Variants in DNAH14 observed in about 807,000 individuals in gnomAD.
DNAH14 encodes axonemal beta dynein heavy chain 14.
Under a neutral mutation model 520.9 loss-of-function variants are expected in DNAH14, and 478 were observed. The observed-to-expected ratio is 0.92, with a 90% CI of 0.85 to 0.99. The LOEUF (loss-of-function observed/expected upper bound fraction) is 0.99. Among genes scored for constraint, DNAH14 ranks in the 50% least tolerant of loss-of-function variants. DNAH14 has a pLI of 0.00. For synonymous variants in DNAH14, 1,581 were observed against 1,757.2 expected (o/e 0.90, Z 2.51); for missense variants, 4,831 against 5,234.5 (o/e 0.92, Z 2.38).
chr1:224,934,165 C>A (rs919738509), intron 1 of DNAH14, among the ~76,000 whole-genome samples: 2 of 150,352 alleles, frequency 1.3e-5, no homozygotes, highest in African/African-American at 2.5e-5. Context: ...ACACAGTAAA[C>A]CTCCATCAGT....
intron 79 of DNAH14, among the ~76,000 whole-genome samples, chr1:225,377,961 T>C (rs185441114): frequency 2.0e-5 from 3 of 152,266 alleles, no homozygotes; most frequent in Non-Finnish European, 2.9e-5. Flanking sequence ...CAAATAAATA[T>C]GGTGAATCTT....
At chr1:225,240,853 C>T (rs2091922548) in intron 43 of DNAH14, 31 bp downstream of exon 43, 3 of 1,388,528 alleles carry the variant, frequency 2.2e-6, no homozygotes, top group Admixed American at 4.5e-5. Flanking sequence ...CATAACTATA[C>T]TTATTTTAAA....
At chr1:225,335,544 C>T (rs1459642339) in intron 66 of DNAH14, among the ~76,000 whole-genome samples, 1 of 75,734 alleles carries the variant, frequency 1.3e-5, no homozygotes, top group Non-Finnish European at 2.4e-5. Flanking sequence ...TACATATATA[C>T]GTATATACAT....
At position 225,298,349 on chromosome 1, in the gene DNAH14, T is replaced by C. The variant is rs1028728307; in HGVS notation, c.8470-2520T>C. 4.6e-5 allele frequency among the ~76,000 whole-genome samples: 7 copies of C among 152,154 alleles called. No homozygotes were observed. The South Asian group carries it at 1.4e-3, about 31-fold the overall frequency. ...ATGTAGCACTCTGCCAGCCCAAGAA[T>C]GTGTCAGCTGTTCAATGGCTCTGGG... On this transcript the variant is annotated intron_variant, in intron 55 of 85. Transcript: ENST00000682510.
chr1:225,195,794 G>T (rs2086056412), intron 38 of DNAH14, among the ~76,000 whole-genome samples: 2 of 152,052 alleles, frequency 1.3e-5, no homozygotes, highest in South Asian at 2.1e-4. Flanking sequence ...TCAAAAAAAA[G>T]TTATAACAAT....
At chr1:225,268,449 A>C (rs1026474939) in intron 49 of DNAH14, among the ~76,000 whole-genome samples, 2 of 152,226 alleles carry the variant, frequency 1.3e-5, no homozygotes, top group African/African-American at 4.8e-5. Context: ...AACCACTCCT[A>C]TTCAACATAG....
intron 37 of DNAH14, among the ~76,000 whole-genome samples, chr1:225,189,313 G>T (rs940889858): frequency 6.6e-6 from 1 of 151,588 alleles, no homozygotes; most frequent in African/African-American, 2.4e-5. Context: ...AGGGTTATTG[G>T]TCTGTAGTTT....
In DNAH14 at chr1:225,351,811, T is replaced by C. The variant is rs2095369319; in HGVS notation, c.11461T>C (p.Tyr3821His). 1 of 1,551,244 alleles carries C rather than the reference T, an allele frequency of 6.4e-7. No individual in the cohort carries two copies. Among genetic ancestry groups the C allele is most frequent in the Non-Finnish European group, 8.7e-7 (1 of 1,146,762 alleles). The stretch of plus-strand genomic sequence containing the variant: ...TACTTTTAAGAACAGTAAAGCAGTT[T>C]ATTCTCTGATCAGCACACCTTTCTC... ...WDTFKNSKAV[Y>H]SLISTPFSSE... The change falls in exon 72 of 86, where the codon TAT (tyrosine) becomes CAT (histidine). Residue 3821 changes from tyrosine (Y) to histidine (H), a missense_variant. By Grantham distance (83) the Tyr-to-His change is moderately conservative. Transcript: ENST00000682510.
intron 43 of DNAH14, among the ~76,000 whole-genome samples, chr1:225,245,267 T>C (rs1354527992): frequency 6.6e-6 from 1 of 152,200 alleles, no homozygotes; most frequent in Admixed American, 6.5e-5. Context: ...CTTCCACTTA[T>C]GTGATCAATT....
Position 225,147,105 on chromosome 1 carries a change from T to C in DNAH14, c.4796T>C (p.Ile1599Thr). The change falls in exon 31 of 86, where the codon ATA becomes ACA. Residue 1599 changes from isoleucine to threonine, a missense_variant and splice_region_variant. Physicochemically the swap from Ile to Thr is moderately conservative, Grantham distance 89. Coordinates refer to ENST00000682510, the MANE Select transcript of DNAH14 (RefSeq NM_001367479.1). ...FNCFEDLDYK[I>T]VRKFFFGLVQ... is the part of the protein sequence containing the mutation. ...TCAATCTCTTTTTTTTTTTAAAAGA[T>C]AGTGAGAAAATTTTTCTTTGGACTA... 6.7e-7 allele frequency: 1 copy of C among 1,502,622 alleles called. No individual in the cohort carries two copies. The allele number at this position is 1,502,622 out of a possible 1,614,324, so 93.1% of individuals were successfully genotyped here.
intron 49 of DNAH14, among the ~76,000 whole-genome samples, chr1:225,267,292 CTTTTTT>C (rs776025994): frequency 6.7e-4 from 88 of 131,394 alleles, no homozygotes; most frequent in African/African-American, 2.3e-3. Flanking sequence ...GAATGGCTTC[CTTTTTT>C]TTTTTTTTTT....
chr1:225,360,381 GAGTATAC>G (rs1312415591), intron 74 of DNAH14, among the ~76,000 whole-genome samples: 30 of 152,192 alleles, frequency 2.0e-4, no homozygotes, highest in African/African-American at 7.2e-4. Context: ...TATTTTAGCT[GAGTATAC>G]AGCCATCTCG....
chr1:225,395,067 G>A (rs1346886201), intron 84 of DNAH14, among the ~76,000 whole-genome samples: 4 of 152,084 alleles, frequency 2.6e-5, no homozygotes, highest in African/African-American at 9.7e-5. Context: ...ACATGGTGGA[G>A]TACATAGAAC....
chr1:225,374,268 ATATTTT>A (rs912367011), intron 77 of DNAH14, among the ~76,000 whole-genome samples: 5 of 49,850 alleles, frequency 1.0e-4, no homozygotes, highest in African/African-American at 2.3e-4. Flanking sequence ...ATATATATAT[ATATTTT>A]TTTTTGAGAT....
chr1:225,059,087 C>G (rs1299962047), intron 17 of DNAH14, among the ~76,000 whole-genome samples: 1 of 152,158 alleles, frequency 6.6e-6, no homozygotes, highest in Non-Finnish European at 1.5e-5. Flanking sequence ...TCCTTGTTAA[C>G]TTTCTGTCTT....
chr1:225,082,008 T>A (rs76315150), intron 19 of DNAH14, among the ~76,000 whole-genome samples: 1 of 152,152 alleles, frequency 6.6e-6, no homozygotes, highest in Admixed American at 6.6e-5. Context: ...CTGTGTCTCA[T>A]GCCTGTAATC....
chr1:225,080,457 G>C lies in DNAH14; in HGVS notation c.2845G>C (p.Ala949Pro). ...AATGATCCAGACTCTCTCAGGGGAA[G>C]CTGCAAGTTTAACTAACAAAGCTAA... ...MEMIQTLSGE[A>P]ASLTNKAKAY... Residue 949 changes from alanine to proline, a missense_variant, in exon 19 of 86, where the codon GCT becomes CCT. Coordinates refer to ENST00000682510, the MANE Select transcript of DNAH14 (RefSeq NM_001367479.1). The C allele has an allele frequency of 6.4e-7, 1 of 1,551,742 alleles. No individual in the cohort carries two copies. Among genetic ancestry groups the C allele is most frequent in the South Asian group, 1.2e-5 (1 of 84,048 alleles).
At position 225,043,104 on chromosome 1, in the gene DNAH14, T is replaced by C. The variant is rs1254900226; in HGVS notation, c.1758T>C (p.Asp586=). ...KSKEISYNLE[D]IISDTEIETE... ...AAGAAATTAGTTACAATCTTGAAGA[T>C]ATTATTTCAGGTAAGACAATTGAGA... Residue 586 remains aspartate (D), a synonymous_variant, in exon 13 of 86, where the codon GAT becomes GAC. Coordinates refer to ENST00000682510, the MANE Select transcript of DNAH14 (RefSeq NM_001367479.1). 36 of 1,549,906 alleles carry C rather than the reference T, an allele frequency of 2.3e-5. No homozygotes were observed. Among genetic ancestry groups the C allele is most frequent in the Non-Finnish European group, 3.1e-5 (36 of 1,146,680 alleles).
At position 225,192,723 on chromosome 1, in the gene DNAH14, A is replaced by G; in HGVS notation, c.5698A>G (p.Ile1900Val). 1 of 1,549,118 alleles carries G rather than the reference A, an allele frequency of 6.5e-7. No individual in the cohort carries two copies. The highest frequency in any genetic ancestry group is 8.7e-7 in the Non-Finnish European group (1 of 1,145,400). The stretch of plus-strand genomic sequence containing the variant: ...TTCAGAAAGAAAAGGAAAAGTAGAT[A>G]TTTGTGTTTTAAATCCAAAGTGTGT... ...KISERKGKVD[I>V]CVLNPKCVTL... Residue 1900 changes from isoleucine (I) to valine (V), a missense_variant, in exon 38 of 86, where the codon ATT becomes GTT. Coordinates refer to ENST00000682510, the MANE Select transcript of DNAH14 (RefSeq NM_001367479.1).
Sources: gnomAD v4.1 joint callset for allele counts (sites outside exome capture counted in the v4.1 genomes callset) on GRCh38, gnomAD v4.1.1 for gene constraint, MANE v1.5 for transcripts, NCBI Gene and HGNC (gene_info 2026-07-23, HGNC 2026-07-21) for gene names.